The following CENPS variants were observed in gnomAD, a reference collection of about 807,000 sequenced individuals.
CENPS encodes FANCM associated histone fold protein 1.
CENPS carries 16 observed loss-of-function variants against 17.9 expected under a neutral mutation model. The observed-to-expected ratio is 0.90, with a 90% CI of 0.61 to 1.36. CENPS has a LOEUF of 1.36. CENPS is among the 40% of genes most tolerant of loss of function. The pLI is 0.00. For missense variants in CENPS, 160 were observed against 158.6 expected, an observed-to-expected ratio of 1.01 and a Z score of -0.05; for synonymous variants, 49 against 55.8, an observed-to-expected ratio of 0.88 and a Z score of 0.54.
Position 10,442,436 on chromosome 1 carries a change from C to T in CENPS, c.*31C>T. On this transcript the variant is annotated 3_prime_UTR_variant, in exon 5 of 5. Coordinates refer to ENST00000309048, the MANE Select transcript of CENPS (RefSeq NM_199294.3). ...CTCGCCGCTTGGAAAGTGCAGCCTTCTACAGGTAGAGCCACCTAGAAATGC... is the reference window on the plus strand; with the variant it reads ...CTCGCCGCTTGGAAAGTGCAGCCTTTTACAGGTAGAGCCACCTAGAAATGC... The T allele has an allele frequency of 6.5e-7, 1 of 1,530,730 alleles. No individual in the cohort carries two copies. The highest frequency in any genetic ancestry group is 8.7e-7 in the Non-Finnish European group (1 of 1,148,538). 94.8% of individuals were successfully genotyped at this position (1,530,730 alleles called of 1,614,324 possible).
chr1:10,440,776 G>C (rs1042885803), intron 4 of CENPS, among the ~76,000 whole-genome samples: 1 of 152,224 alleles, frequency 6.6e-6, no homozygotes, highest in Non-Finnish European at 1.5e-5. Flanking sequence ...AGGTATGGAC[G>C]GAGTTTCCGT....
At chr1:10,441,503 G>A (rs1459121018) in intron 4 of CENPS, among the ~76,000 whole-genome samples, 6 of 151,372 alleles carry the variant, frequency 4.0e-5, no homozygotes, top group African/African-American at 9.7e-5. Flanking sequence ...TTGTAGAGAC[G>A]GGGTTTCACC....
At chr1:10,437,361 T>G (rs554679861) in intron 3 of CENPS, among the ~76,000 whole-genome samples, 1 of 152,098 alleles carries the variant, frequency 6.6e-6, no homozygotes, top group Non-Finnish European at 1.5e-5. Flanking sequence ...TATGAGAAAT[T>G]TCTATGAGAA....
chr1:10,430,818 C>A, intron 1 of CENPS: 1 of 1,350,586 alleles, frequency 7.4e-7, no homozygotes, highest in Non-Finnish European at 9.5e-7. Context: ...GCGCCGGGGT[C>A]CGGCGGCGAG....
At chr1:10,430,605 G>C (rs1222980432) in intron 1 of CENPS, 37 bp downstream of exon 1, 1 of 1,526,684 alleles carries the variant, frequency 6.6e-7, no homozygotes, top group Non-Finnish European at 8.8e-7. Flanking sequence ...GCTGGGGCAG[G>C]ACGGCGTCGA....
rs749842587 is a variant in CENPS at position 10,434,647 on chromosome 1, T to TC, written c.176-9dup. The stretch of plus-strand genomic sequence containing the variant: ...GTGCCTAAAGTGTGTATCTTTTTTT[T>TC]CTCTTTCAGAAAATTTTGCCAAAGA... On this transcript the variant is annotated splice_polypyrimidine_tract_variant and intron_variant, in intron 2 of 4. Transcript: ENST00000309048. 6 of 1,603,302 alleles carry TC rather than the reference T, an allele frequency of 3.7e-6. No individual in the cohort carries two copies. The South Asian group carries it at 4.5e-5, about 12-fold the overall frequency.
chr1:10,440,532 C>T, intron 4 of CENPS, 119 bp downstream of exon 4: 1 of 1,361,260 alleles, frequency 7.3e-7, no homozygotes, highest in South Asian at 1.5e-5. Context: ...CTAGAGGTGG[C>T]TGAACCATTC....
intron 3 of CENPS, among the ~76,000 whole-genome samples, chr1:10,436,654 C>T (rs538209170): frequency 2.1e-5 from 3 of 146,018 alleles, no homozygotes; most frequent in African/African-American, 5.1e-5. Context: ...TGCAGTGAGT[C>T]GAGATCGTGC....
At chr1:10,431,612 T>C (rs1639917987) in intron 1 of CENPS, among the ~76,000 whole-genome samples, 1 of 152,130 alleles carries the variant, frequency 6.6e-6, no homozygotes, top group African/African-American at 2.4e-5. Flanking sequence ...TTCCAGCACT[T>C]TGGGAGGCCG....
chr1:10,439,081 TA>T (rs1469703407), intron 3 of CENPS, among the ~76,000 whole-genome samples: 5 of 152,228 alleles, frequency 3.3e-5, no homozygotes, highest in African/African-American at 1.2e-4. Flanking sequence ...GACAAGCAGA[TA>T]TTGTCAATCA....
At chr1:10,433,757 C>T in intron 1 of CENPS, 85 bp from the exon 2 acceptor site, 1 of 1,589,888 alleles carries the variant, frequency 6.3e-7, no homozygotes, top group Non-Finnish European at 8.6e-7. Context: ...GCTGAGCAGA[C>T]CCTCTCCTTG....
Position 10,442,299 on chromosome 1 carries a change from C to G in CENPS, c.311C>G (p.Ala104Gly). ...KYITDKSEEIAQINLERKAQK... is the reference protein window; with the variant it reads ...KYITDKSEEIGQINLERKAQK... The stretch of plus-strand genomic sequence containing the variant: ...ATCACAGACAAAAGTGAAGAGATTG[C>G]TCAGATTAACCTAGAACGAAAAGCA... Residue 104 changes from alanine to glycine, a missense_variant, in exon 5 of 5, where the codon GCT (alanine) becomes GGT (glycine). Physicochemically the swap from Ala to Gly is moderately conservative, Grantham distance 60. Transcript: ENST00000309048. The G allele has an allele frequency of 6.3e-7, 1 of 1,597,634 alleles. No homozygotes were observed. The highest frequency in any genetic ancestry group is 1.1e-5 in the South Asian group (1 of 88,086).
At chr1:10,435,218 G>A (rs969506833) in intron 3 of CENPS, among the ~76,000 whole-genome samples, 1 of 152,188 alleles carries the variant, frequency 6.6e-6, no homozygotes, top group East Asian at 1.9e-4. Context: ...AGCTTTTACA[G>A]GTGATTTATG....
rs1183271034 is a variant in CENPS, at chr1:10,442,250, A to T, written c.277-15A>T. On this transcript the variant is annotated splice_polypyrimidine_tract_variant and intron_variant, in intron 4 of 4. Coordinates refer to ENST00000309048, the MANE Select transcript of CENPS (RefSeq NM_199294.3). ...TGGTTACAGCCAGATATAAATACAG[A>T]TTTTTTTTTTATAGCTAAAATACAT... 6.4e-7 allele frequency: 1 copy of T among 1,552,750 alleles called. No homozygotes were observed. Among genetic ancestry groups the T allele is most frequent in the Non-Finnish European group, 8.6e-7 (1 of 1,156,424 alleles).
At chr1:10,440,273 G>C in intron 3 of CENPS, 74 bp from the exon 4 acceptor site, 2 of 1,567,250 alleles carry the variant, frequency 1.3e-6, no homozygotes, top group Non-Finnish European at 1.7e-6. Flanking sequence ...AAGTCTGACC[G>C]TGAACTTCTG....
chr1:10,442,409 C>G lies in CENPS; in HGVS notation c.*4C>G, dbSNP rs375741629. 2.2e-5 allele frequency: 34 copies of G among 1,567,262 alleles called. No homozygotes were observed. The highest frequency in any genetic ancestry group is 1.7e-4 in the Middle Eastern group (1 of 5,920). ...AGTGGTGGAAAGTGAGAATTAAAGT[C>G]CCTCGCCGCTTGGAAAGTGCAGCCT... On this transcript the variant is annotated 3_prime_UTR_variant, in exon 5 of 5. Transcript: ENST00000309048.
Position 10,440,440 on chromosome 1 carries a change from C to A in CENPS, c.276+27C>A, listed in dbSNP as rs776498783. On this transcript the variant is annotated intron_variant, in intron 4 of 4. Coordinates refer to ENST00000309048, the MANE Select transcript of CENPS (RefSeq NM_199294.3). Reference sequence around the variant, plus strand: ...TGAGAGATGAATTTCTTTCCTCACTCCCCTTTCCCATCGGAATACATTATT... The same window carrying A: ...TGAGAGATGAATTTCTTTCCTCACTACCCTTTCCCATCGGAATACATTATT... 5.6e-6 allele frequency: 9 copies of A among 1,612,398 alleles called. No homozygotes were observed. The Admixed American group carries it at 1.5e-4, about 27-fold the overall frequency.
At chr1:10,436,717 A>G (rs1274101385) in intron 3 of CENPS, among the ~76,000 whole-genome samples, 4 of 120,240 alleles carry the variant, frequency 3.3e-5, no homozygotes, top group Non-Finnish European at 5.2e-5. Flanking sequence ...TTAAAAAAAA[A>G]AAAAGAAAAG....
chr1:10,436,843 T>C (rs1020844998), intron 3 of CENPS, among the ~76,000 whole-genome samples: 2 of 152,192 alleles, frequency 1.3e-5, no homozygotes, highest in Non-Finnish European at 2.9e-5. Context: ...GCACCCCCTC[T>C]TCTTAGCACA....
Sources: allele counts gnomAD v4.1 joint callset (sites outside exome capture counted in the v4.1 genomes callset), GRCh38; gene constraint gnomAD v4.1.1; transcripts MANE v1.5; gene names NCBI Gene and HGNC (gene_info 2026-07-23, HGNC 2026-07-21).